Variants in TMPRSS15 observed in about 807,000 individuals in gnomAD.
TMPRSS15 encodes the protein enteropeptidase.
In TMPRSS15, 128 loss-of-function variants were observed where a neutral mutation model predicts 125.3. The ratio of observed to expected loss-of-function variants is 1.02; its 90% CI spans 0.89 to 1.18. The LOEUF is 1.18. Ranked by LOEUF, TMPRSS15 falls within the 50% of genes most tolerant of loss-of-function variation. The pLI is 0.00. For synonymous variants in TMPRSS15, 446 were observed against 423.2 expected (o/e 1.05, Z -0.66); for missense variants, 1,283 against 1,212.7 (o/e 1.06, Z -0.86).
At chr21:18,395,982 A>T (rs1333983466) in intron 3 of TMPRSS15, among the ~76,000 whole-genome samples, 2 of 152,164 alleles carry the variant, frequency 1.3e-5, no homozygotes, top group Non-Finnish European at 2.9e-5. Flanking sequence ...TGGAGCTTTC[A>T]GCTACCTTCA....
chr21:18,474,744 C>G (rs1043747469), intron 1 of TMPRSS15, among the ~76,000 whole-genome samples: 1 of 152,162 alleles, frequency 6.6e-6, no homozygotes, highest in Non-Finnish European at 1.5e-5. Flanking sequence ...GGTTCTAGTA[C>G]TCTTAAGATC....
intron 21 of TMPRSS15, among the ~76,000 whole-genome samples, chr21:18,283,713 T>C (rs1467462573): frequency 6.6e-6 from 1 of 152,142 alleles, no homozygotes; most frequent in East Asian, 1.9e-4. Flanking sequence ...TTCAGAATTT[T>C]TCATATAGAA....
chr21:18,428,499 A>G (rs1160609230), intron 1 of TMPRSS15, among the ~76,000 whole-genome samples: 2 of 152,094 alleles, frequency 1.3e-5, no homozygotes, highest in Non-Finnish European at 2.9e-5. Flanking sequence ...GGCCTAGGAG[A>G]AAATGATTTT....
At chr21:18,443,162 G>A (rs180878151) in intron 1 of TMPRSS15, among the ~76,000 whole-genome samples, 1 of 152,258 alleles carries the variant, frequency 6.6e-6, no homozygotes, top group East Asian at 1.9e-4. Context: ...AAACGGCAGG[G>A]AAGCTACGAA....
chr21:18,277,769 A>C (rs991086055), intron 23 of TMPRSS15, among the ~76,000 whole-genome samples: 2 of 152,326 alleles, frequency 1.3e-5, no homozygotes, highest in East Asian at 1.9e-4. Context: ...ACTTTTAAAC[A>C]TCATGGCTAT....
chr21:18,371,842 A>T (rs886071165), intron 6 of TMPRSS15, among the ~76,000 whole-genome samples: 6 of 152,096 alleles, frequency 3.9e-5, no homozygotes, highest in African/African-American at 1.4e-4. Context: ...AATTAATAAT[A>T]GTTTGGATTA....
intron 1 of TMPRSS15, among the ~76,000 whole-genome samples, chr21:18,435,204 G>T (rs1186570268): frequency 6.6e-6 from 1 of 152,122 alleles, no homozygotes; most frequent in Non-Finnish European, 1.5e-5. Context: ...TCCCTGTCTT[G>T]TGCCAGTTTT....
chr21:18,306,585 C>T (rs570527004), intron 18 of TMPRSS15, among the ~76,000 whole-genome samples: 1 of 152,192 alleles, frequency 6.6e-6, no homozygotes, highest in African/African-American at 2.4e-5. Context: ...TCCTCATAGG[C>T]CACCTTATTA....
rs185457550 is a variant in TMPRSS15 at position 18,443,838 on chromosome 21, T to A, written c.10+41961A>T. Among the ~76,000 whole-genome samples, 510 of 152,326 alleles carry A rather than the reference T, an allele frequency of 3.3e-3. 3 individuals are homozygous for A. The highest frequency in any genetic ancestry group is 0.012 in the African/African-American group (488 of 41,582). On this transcript the variant is annotated intron_variant, in intron 1 of 7. Transcript: ENST00000422787. ...GGCAATGCTTTCTAGAGCTTCCAGC[T>A]AGCAGTACCGCTTTTGTGTGAACTC...
At chr21:18,469,094 C>T (rs569798723) in intron 1 of TMPRSS15, among the ~76,000 whole-genome samples, 3 of 152,142 alleles carry the variant, frequency 2.0e-5, no homozygotes, top group African/African-American at 2.4e-5. Context: ...TATGTCCACC[C>T]GGCTAATATA....
intron 16 of TMPRSS15, among the ~76,000 whole-genome samples, 178 bp downstream of exon 16, chr21:18,326,254 G>A (rs903849242): frequency 6.6e-6 from 1 of 152,130 alleles, no homozygotes; most frequent in Non-Finnish European, 1.5e-5. Context: ...TACTTTGAAC[G>A]AACTCAGGTA....
chr21:18,331,347 C>A (rs1206435510), intron 14 of TMPRSS15, among the ~76,000 whole-genome samples: 2 of 152,126 alleles, frequency 1.3e-5, no homozygotes, highest in African/African-American at 4.8e-5. Context: ...CTTAACAAGG[C>A]ACGACCATGG....
chr21:18,367,795 G>A (rs2075752681), intron 6 of TMPRSS15, among the ~76,000 whole-genome samples: 1 of 152,098 alleles, frequency 6.6e-6, no homozygotes, highest in Admixed American at 6.5e-5. Context: ...GGGGGAAACT[G>A]AGGCACATAT....
chr21:18,340,795 TACA>T (rs1352584301), intron 13 of TMPRSS15, among the ~76,000 whole-genome samples: 3 of 152,174 alleles, frequency 2.0e-5, no homozygotes, highest in African/African-American at 4.8e-5. Flanking sequence ...ACGTGGCCAG[TACA>T]ACATTTGTTT....
At chr21:18,399,013 ATG>A (rs1348336998) in intron 1 of TMPRSS15, among the ~76,000 whole-genome samples, 2 of 152,160 alleles carry the variant, frequency 1.3e-5, no homozygotes, top group Non-Finnish European at 2.9e-5. Flanking sequence ...GGATAATAAA[ATG>A]TGTCATTAAG....
intron 3 of TMPRSS15, among the ~76,000 whole-genome samples, chr21:18,390,625 A>G (rs998404815): frequency 1.3e-5 from 2 of 152,304 alleles, no homozygotes; most frequent in East Asian, 1.9e-4. Flanking sequence ...ATGTAGATAC[A>G]TGGTGCTAAA....
rs148157682 is a variant in TMPRSS15, at chr21:18,351,354, C to T, written c.1171+1549G>A. Reference sequence around the variant, plus strand: ...TTTGCATGTTAATTACATTCATGCACTGAGAATACCTGATATGGTTTGGCT... The same window carrying T: ...TTTGCATGTTAATTACATTCATGCATTGAGAATACCTGATATGGTTTGGCT... On this transcript the variant is annotated intron_variant, in intron 10 of 24. Coordinates refer to ENST00000284885, the MANE Select transcript of TMPRSS15 (RefSeq NM_002772.3). Among the ~76,000 whole-genome samples the T allele has an allele frequency of 9.9e-5, 15 of 152,258 alleles. No homozygotes were observed. The East Asian group carries it at 1.7e-3, about 18-fold the overall frequency.
intron 19 of TMPRSS15, among the ~76,000 whole-genome samples, chr21:18,296,304 T>A (rs2074907199): frequency 6.6e-6 from 1 of 152,202 alleles, no homozygotes. Context: ...TTCATAGGGA[T>A]ACAAACATAA....
intron 18 of TMPRSS15, among the ~76,000 whole-genome samples, chr21:18,302,081 T>C (rs932127927): frequency 6.6e-6 from 1 of 152,210 alleles, no homozygotes; most frequent in African/African-American, 2.4e-5. Context: ...AATTCTTCCC[T>C]GGAGCAGGAG....
Sources: allele counts gnomAD v4.1 joint callset (sites outside exome capture counted in the v4.1 genomes callset), GRCh38; gene constraint gnomAD v4.1.1; transcripts MANE v1.5; gene names NCBI Gene and HGNC (gene_info 2026-07-23, HGNC 2026-07-21).